The following SCN4A variants were observed in gnomAD, a reference collection of about 807,000 sequenced individuals.
The protein encoded by SCN4A is sodium voltage-gated channel alpha subunit 4, also known as sodium channel protein type 4 subunit alpha.
SCN4A carries 83 observed loss-of-function variants against 162.0 expected under a neutral mutation model. The ratio of observed to expected loss-of-function variants is 0.51; its 90% CI spans 0.43 to 0.61. SCN4A has a LOEUF of 0.61. Among genes scored for constraint, SCN4A ranks in the 20% least tolerant of loss-of-function variants. The pLI is 0.00. For missense variants in SCN4A, 2,196 were observed against 2,462.5 expected (o/e 0.89, Z 2.29); for synonymous variants, 944 against 985.1 (o/e 0.96, Z 0.78).
In SCN4A at chr17:63,944,641, G is replaced by A. The variant is rs757504573; in HGVS notation, c.3912+32C>T. 9.5e-6 allele frequency: 15 copies of A among 1,573,214 alleles called. No individual in the cohort carries two copies. The highest frequency in any genetic ancestry group is 6.9e-5 in the East Asian group (3 of 43,294). On this transcript the variant is annotated intron_variant, in intron 21 of 23. Transcript: ENST00000435607. The surrounding 1 kb of genome is among the most constrained non-coding windows in gnomAD (Gnocchi z 4.3). ...GGAGGCAGGAGGGAGGCCCAGCACC[G>A]GGAGGGCCCGAGGGGCTGGGCTGAT...
chr17:63,966,326 C>T (rs1222399552), intron 7 of SCN4A, 83 bp from the exon 8 acceptor site: 23 of 1,484,638 alleles, frequency 1.5e-5, no homozygotes, highest in African/African-American at 6.9e-5. Context: ...GGAAAAATTC[C>T]GTCAGTTCTG....
At chr17:63,969,663 A>G (rs1175300162) in intron 5 of SCN4A, among the ~76,000 whole-genome samples, 1 of 150,560 alleles carries the variant, frequency 6.6e-6, no homozygotes, top group Non-Finnish European at 1.5e-5. Context: ...TTTTTTTTTG[A>G]GATAGAGTCT....
chr17:63,949,957 C>T (rs946666621), intron 14 of SCN4A, among the ~76,000 whole-genome samples: 1 of 152,214 alleles, frequency 6.6e-6, no homozygotes, highest in East Asian at 1.9e-4. Context: ...GTGCCCCTAG[C>T]GTCTGAGCCT....
intron 11 of SCN4A, among the ~76,000 whole-genome samples, chr17:63,960,530 AAAGGGAATTGGG>A (rs776406065): frequency 6.6e-6 from 1 of 152,134 alleles, no homozygotes; most frequent in African/African-American, 2.4e-5. Context: ...GAAAAATTGC[AAAGGGAATTGGG>A]AAGGGTGGGG....
In SCN4A at chr17:63,941,003, C is replaced by A; in HGVS notation, c.5279G>T (p.Gly1760Val). Residue 1760 changes from glycine to valine, a missense_variant, in exon 24 of 24, where the codon GGC becomes GTC. Physicochemically the swap from Gly to Val is moderately radical, Grantham distance 109. Transcript: ENST00000435607. The surrounding 1 kb of genome is among the most constrained non-coding windows in gnomAD (Gnocchi z 6.2). Reference protein sequence around the residue: ...ASYMYRHSHDGSGDDAPEKEG... With the variant: ...ASYMYRHSHDVSGDDAPEKEG... ...CTTCTCAGGGGCGTCATCCCCGCTG[C>A]CGTCGTGGCTGTGGCGGTACATGTA... is the stretch of plus-strand genomic sequence containing the variant. 6.2e-7 allele frequency: 1 copy of A among 1,613,380 alleles called. No homozygotes were observed. Among genetic ancestry groups the A allele is most frequent in the Non-Finnish European group, 8.5e-7 (1 of 1,179,364 alleles).
chr17:63,940,943 T>TAC lies in SCN4A; in HGVS notation c.5337_5338dup (p.Tyr1780CysfsTer29), dbSNP rs1158682888. 6.2e-7 allele frequency: 1 copy of TAC among 1,613,962 alleles called. No homozygotes were observed. The highest frequency in any genetic ancestry group is 1.7e-5 in the Admixed American group (1 of 60,024). ...GCTGCTGTTCCCATTCTCGTGGCCA[T>TAC]ACATCTTGCTCATGGTGTTGGCAAG... On this transcript the variant is annotated frameshift_variant, in exon 24 of 24. Transcript: ENST00000435607. LOFTEE classifies it low-confidence loss of function (END_TRUNC).
Position 63,968,278 on chromosome 17 carries a change from G to C in SCN4A, c.781C>G (p.Leu261Val), listed in dbSNP as rs1597985492. Residue 261 changes from leucine to valine, a missense_variant, in exon 6 of 24, where the codon CTG becomes GTG. By Grantham distance (32) the Leu-to-Val change is conservative. Coordinates refer to ENST00000435607, the MANE Select transcript of SCN4A (RefSeq NM_000334.4). ...SDVMILTVFCLSVFALVGLQL... is the reference protein window; with the variant it reads ...SDVMILTVFCVSVFALVGLQL... ...AGTCCTACCAGCGCAAAGACGCTCAGGCAGAAGACAGTGAGGATCATCACA... is the reference window on the plus strand; with the variant it reads ...AGTCCTACCAGCGCAAAGACGCTCACGCAGAAGACAGTGAGGATCATCACA... 6.2e-7 allele frequency: 1 copy of C among 1,613,530 alleles called. No individual in the cohort carries two copies. Among genetic ancestry groups the C allele is most frequent in the Non-Finnish European group, 8.5e-7 (1 of 1,179,566 alleles).
At position 63,966,638 on chromosome 17, in the gene SCN4A, C is replaced by T. The variant is rs193121830; in HGVS notation, c.1037-94G>A. ...TTGCACACCTGTGGACAGGTCTGCG[C>T]GTACCACATAAACCAAACGGATGTT... On this transcript the variant is annotated intron_variant, in intron 6 of 23. Transcript: ENST00000435607. The T allele has an allele frequency of 3.1e-4, 285 of 910,996 alleles. No homozygotes were observed. In the Admixed American group the frequency reaches 4.0e-3, roughly 13 times the overall value. The allele number at this position is 910,996 out of a possible 1,614,324, so 56.4% of individuals were successfully genotyped here.
rs1555600694 is a variant in SCN4A, at chr17:63,941,545, G to T, written c.4737C>A (p.Cys1579Ter). Reference sequence around the variant, plus strand: ...TGAGGAAGGAGATGATGATATAGCTGCAGAAGAAGCAGATGCCGATGGAGG... The same window carrying T: ...TGAGGAAGGAGATGATGATATAGCTTCAGAAGAAGCAGATGCCGATGGAGG... ...GNPSIGICFFCSYIIISFLIV... is the reference protein window; with the variant it reads ...GNPSIGICFF Residue 1579 changes from cysteine (C) to a stop codon, truncating the protein, a stop_gained, in exon 24 of 24, where the codon TGC becomes TGA. Coordinates refer to ENST00000435607, the MANE Select transcript of SCN4A (RefSeq NM_000334.4). LOFTEE classifies it high-confidence loss of function. The surrounding 1 kb of genome is among the most constrained non-coding windows in gnomAD (Gnocchi z 6.2). The T allele has an allele frequency of 6.2e-7, 1 of 1,614,110 alleles. No homozygotes were observed. The highest frequency in any genetic ancestry group is 8.5e-7 in the Non-Finnish European group (1 of 1,180,026).
rs1240384952 is a variant in SCN4A at position 63,949,448 on chromosome 17, C to T, written c.2934G>A (p.Glu978=). The stretch of plus-strand genomic sequence containing the variant: ...CCTCGGGGTTCTCCTCTGCCTGCTC[C>T]TCAGGGTCCTCCTCGGGGGGCTTGT... ...ADYKPPEEDP[E]EQAEENPEGE... The change falls in exon 15 of 24, where the codon GAG becomes GAA. Residue 978 remains glutamate (E), a synonymous_variant. Coordinates refer to ENST00000435607, the MANE Select transcript of SCN4A (RefSeq NM_000334.4). 6.2e-7 allele frequency: 1 copy of T among 1,608,718 alleles called. No individual in the cohort carries two copies.
chr17:63,961,268 G>C lies in SCN4A; in HGVS notation c.1770C>G (p.Leu590=). ...VDLGITICIV[L]NTLFMAMEHY... Reference sequence around the variant, plus strand: ...GTTCCATGGCCATGAAGAGGGTGTTGAGCACGATGCAGATGGTGATGCCCA... The same window carrying C: ...GTTCCATGGCCATGAAGAGGGTGTTCAGCACGATGCAGATGGTGATGCCCA... Residue 590 remains leucine, a synonymous_variant, in exon 11 of 24, where the codon CTC becomes CTG. Transcript: ENST00000435607. The C allele has an allele frequency of 1.3e-6, 2 of 1,591,670 alleles. No individual in the cohort carries two copies. The highest frequency in any genetic ancestry group is 1.7e-6 in the Non-Finnish European group (2 of 1,166,328).
chr17:63,957,591 A>G, intron 12 of SCN4A, 73 bp from the exon 13 acceptor site: 2 of 1,012,736 alleles, frequency 2.0e-6, no homozygotes, highest in South Asian at 1.5e-5. Context: ...CCTTAGGAGA[A>G]AGAACAGTGT....
chr17:63,966,578 C>G (rs1021422274), intron 6 of SCN4A, 34 bp from the exon 7 acceptor site: 2 of 1,551,890 alleles, frequency 1.3e-6, no homozygotes, highest in African/African-American at 1.4e-5. Flanking sequence ...GGAGGCAAGT[C>G]ACCCACATGG....
Position 63,950,714 on chromosome 17 carries a change from G to C in SCN4A, c.2853+710C>G, listed in dbSNP as rs540387848. Among the ~76,000 whole-genome samples the C allele has an allele frequency of 6.6e-6, 1 of 152,356 alleles. No individual in the cohort carries two copies. Among genetic ancestry groups the C allele is most frequent in the South Asian group, 2.1e-4 (1 of 4,832 alleles). The stretch of plus-strand genomic sequence containing the variant: ...TGCCAGAGCTGGACAGTGGGGAAGG[G>C]GGCTCAAGACCCAGGCAGGGTCAGC... On this transcript the variant is annotated intron_variant, in intron 14 of 23. Transcript: ENST00000435607. This position sits in a 1 kb window ranked among gnomAD's most constrained non-coding sequence, Gnocchi z 4.6.
At position 63,944,688 on chromosome 17, in the gene SCN4A, G is replaced by A; in HGVS notation, c.3897C>T (p.Asn1299=). Reference sequence around the variant, plus strand: ...TGATACTCATCTTCTTCTTCTGCTGGTTGAAGTTGTCAATGATGACGCCAA... The same window carrying A: ...TGATACTCATCTTCTTCTTCTGCTGATTGAAGTTGTCAATGATGACGCCAA... The part of the protein sequence containing the change: ...LFIGVIIDNF[N]QQKKKLGGKD... The change falls in exon 21 of 24, where the codon AAC becomes AAT. Residue 1299 remains asparagine, a synonymous_variant. Coordinates refer to ENST00000435607, the MANE Select transcript of SCN4A (RefSeq NM_000334.4). The surrounding 1 kb of genome is among the most constrained non-coding windows in gnomAD (Gnocchi z 4.3). The A allele has an allele frequency of 6.2e-7, 1 of 1,607,508 alleles. No homozygotes were observed. Among genetic ancestry groups the A allele is most frequent in the Non-Finnish European group, 8.5e-7 (1 of 1,176,962 alleles).
rs1406561309 is a variant in SCN4A at position 63,944,711 on chromosome 17, C to T, written c.3874G>A (p.Gly1292Ser). 2 of 1,611,716 alleles carry T rather than the reference C, an allele frequency of 1.2e-6. No homozygotes were observed. Among genetic ancestry groups the T allele is most frequent in the South Asian group, 1.1e-5 (1 of 90,600 alleles). The change falls in exon 21 of 24, where the codon GGC becomes AGC. Residue 1292 changes from glycine to serine, a missense_variant. Physicochemically the swap from Gly to Ser is moderately conservative, Grantham distance 56 (BLOSUM62 0). Transcript: ENST00000435607. This position sits in a 1 kb window ranked among gnomAD's most constrained non-coding sequence, Gnocchi z 4.3. ...TGGTTGAAGTTGTCAATGATGACGC[C>T]AATGAAGAGGTTGAGGGTGAAGAAG... ...GSFFTLNLFI[G>S]VIIDNFNQQK...
Position 63,966,682 on chromosome 17 carries a change from C to T in SCN4A, c.1037-138G>A, listed in dbSNP as rs184267671. 752 of 673,714 alleles carry T rather than the reference C, an allele frequency of 1.1e-3. 18 individuals carry two copies. In the East Asian group the frequency reaches 0.019, roughly 17 times the overall value. 41.7% of individuals were successfully genotyped at this position (673,714 alleles called of 1,614,324 possible). A position where few individuals can be genotyped will look rare whatever the true frequency, so the allele number is the denominator to read the frequency against. ...GGATGTTCCCTGGCTGCCTCTTCCC[C>T]GTCCTTTAAGGACAGCTCCAAGTTC... On this transcript the variant is annotated intron_variant, in intron 6 of 23. Transcript: ENST00000435607.
rs781455898 is a variant in SCN4A at position 63,941,929 on chromosome 17, G to A, written c.4353C>T (p.Arg1451=). 2.5e-6 allele frequency: 4 copies of A among 1,609,658 alleles called. No homozygotes were observed. The South Asian group carries it at 3.3e-5, about 13-fold the overall frequency. The change falls in exon 24 of 24, where the codon CGC becomes CGT. Residue 1451 remains arginine (R), a synonymous_variant. Coordinates refer to ENST00000435607, the MANE Select transcript of SCN4A (RefSeq NM_000334.4). This position sits in a 1 kb window ranked among gnomAD's most constrained non-coding sequence, Gnocchi z 6.2. ...FVSPTLFRVI[R]LARIGRVLRL... is the part of the protein sequence containing the mutation. ...GCAGGACACGCCCAATCCGCGCCAG[G>A]CGGATCACACGGAACAGCGTGGGTG...
chr17:63,942,258 GGTGTGTGTGTGTGTGT>G (rs58036769), intron 23 of SCN4A, among the ~76,000 whole-genome samples: 2 of 138,656 alleles, frequency 1.4e-5, no homozygotes, highest in Middle Eastern at 3.5e-3. Flanking sequence ...AAATGCCACT[GGTGTGTGTGTGTGTGT>G]GTGTGTGTGT....
Sources: gnomAD v4.1 joint callset for allele counts (sites outside exome capture counted in the v4.1 genomes callset) on GRCh38, gnomAD v4.1.1 for gene constraint, Gnocchi (gnomAD v3.1) non-coding constraint, MANE v1.5 for transcripts, NCBI Gene and HGNC (gene_info 2026-07-23, HGNC 2026-07-21) for gene names.